ADCY8: variants seen among roughly 807,000 people sequenced by gnomAD.
ADCY8 encodes adenylate cyclase 8.
A neutral mutation model predicts 119.7 loss-of-function variants in ADCY8; 51 were observed. That is an observed-to-expected ratio of 0.43 (90% CI 0.34 to 0.54). The LOEUF is 0.54. Ranked by LOEUF, ADCY8 falls within the 20% of genes least tolerant of loss-of-function variation. The probability of loss-of-function intolerance (pLI) is 0.03; values close to 1 mark genes in which losing one functional copy is unlikely to be tolerated. For synonymous variants in ADCY8, 665 were observed against 651.0 expected, an observed-to-expected ratio of 1.02 and a Z score of -0.33; for missense variants, 1,383 against 1,598.8, an observed-to-expected ratio of 0.87 and a Z score of 2.30.
At chr8:130,822,807 A>G (rs1816559998) in intron 12 of ADCY8, among the ~76,000 whole-genome samples, 1 of 152,222 alleles carries the variant, frequency 6.6e-6, no homozygotes. Flanking sequence ...TGGAAAGGTC[A>G]TTTAACATCT....
chr8:130,894,999 A>T (rs78149854), intron 7 of ADCY8, among the ~76,000 whole-genome samples: 1 of 152,158 alleles, frequency 6.6e-6, no homozygotes, highest in African/African-American at 2.4e-5. Flanking sequence ...TAGCTCAATG[A>T]AGAGATTTTA....
chr8:130,887,651 A>G (rs908286388), intron 7 of ADCY8, among the ~76,000 whole-genome samples: 1 of 152,146 alleles, frequency 6.6e-6, no homozygotes, highest in Non-Finnish European at 1.5e-5. Context: ...TCATTAACTC[A>G]AGAAGGCAAG....
At chr8:130,800,331 C>CAA (rs3067432) in intron 15 of ADCY8, 95 bp downstream of exon 15, 382,014 of 1,321,992 alleles carry the variant, frequency 0.29, 15,602 homozygotes, top group African/African-American at 0.47. Context: ...CCGTTAAGTG[C>CAA]AAAAAAAAAA....
intron 3 of ADCY8, 53 bp downstream of exon 3, chr8:130,951,815 C>G: frequency 6.2e-7 from 1 of 1,602,704 alleles, no homozygotes; most frequent in South Asian, 1.1e-5. Flanking sequence ...ATGAGAGCAC[C>G]CAAACACACA....
intron 1 of ADCY8, among the ~76,000 whole-genome samples, chr8:131,004,060 T>C (rs1227519004): frequency 2.0e-5 from 3 of 152,092 alleles, no homozygotes; most frequent in Non-Finnish European, 4.4e-5. Context: ...GAAAAAAAGG[T>C]TTCCTTTTGG....
At position 131,040,261 on chromosome 8, in the gene ADCY8, C is replaced by G; in HGVS notation, c.73G>C (p.Gly25Arg). 6.4e-7 allele frequency: 1 copy of G among 1,555,870 alleles called. No homozygotes were observed. Among genetic ancestry groups the G allele is most frequent in the Non-Finnish European group, 8.6e-7 (1 of 1,157,448 alleles). ...GGCCGGGAGGCGCTCCTGCCGTCGCCGGCCGGGGGCGTCGGGTGGATGGTG... is the reference window on the plus strand; with the variant it reads ...GGCCGGGAGGCGCTCCTGCCGTCGCGGGCCGGGGGCGTCGGGTGGATGGTG... Reference protein sequence around the residue: ...LYTIHPTPPAGDGRSASRPQR... With the variant: ...LYTIHPTPPARDGRSASRPQR... Residue 25 changes from glycine (G) to arginine (R), a missense_variant, in exon 1 of 18, where the codon GGC becomes CGC. By Grantham distance (125) the Gly-to-Arg change is moderately radical. Transcript: ENST00000286355.
chr8:130,869,265 T>A (rs1818238451), intron 8 of ADCY8, among the ~76,000 whole-genome samples: 1 of 152,146 alleles, frequency 6.6e-6, no homozygotes, highest in Non-Finnish European at 1.5e-5. Flanking sequence ...AGAATCACTT[T>A]AAGCCATCCT....
At chr8:130,786,935 G>T (rs1180627352) in intron 15 of ADCY8, among the ~76,000 whole-genome samples, 1 of 152,034 alleles carries the variant, frequency 6.6e-6, no homozygotes, top group Non-Finnish European at 1.5e-5. Context: ...CATGGGAAGG[G>T]GAGCATCCAG....
At chr8:130,806,003 A>G (rs1181752710) in intron 14 of ADCY8, among the ~76,000 whole-genome samples, 1 of 152,190 alleles carries the variant, frequency 6.6e-6, no homozygotes, top group African/African-American at 2.4e-5. Flanking sequence ...GTAAAGCACC[A>G]TAAGAGAGGG....
chr8:130,924,396 G>T (rs1820400912), intron 5 of ADCY8, among the ~76,000 whole-genome samples: 1 of 152,212 alleles, frequency 6.6e-6, no homozygotes, highest in East Asian at 1.9e-4. Flanking sequence ...CACACAGGCT[G>T]TAAGGGGACT....
intron 11 of ADCY8, among the ~76,000 whole-genome samples, chr8:130,842,075 G>A (rs1817162623): frequency 6.6e-6 from 1 of 152,176 alleles, no homozygotes; most frequent in Non-Finnish European, 1.5e-5. Context: ...TATGTGGTTG[G>A]TGCTCTAGTA....
chr8:131,040,149 C>G lies in ADCY8; in HGVS notation c.185G>C (p.Ser62Thr), dbSNP rs1340822364. ...HGHRGGSGSGSGGSGKASDPA... is the reference protein window; with the variant it reads ...HGHRGGSGSGTGGSGKASDPA... ...GTCCGAGGCTTTGCCCGAGCCTCCA[C>G]TCCCGCTGCCGCTGCCTCCCCGGTG... Residue 62 changes from serine (S) to threonine (T), a missense_variant, in exon 1 of 18, where the codon AGT becomes ACT. Transcript: ENST00000286355. 1 of 1,532,830 alleles carries G rather than the reference C, an allele frequency of 6.5e-7. No homozygotes were observed. The highest frequency in any genetic ancestry group is 8.7e-7 in the Non-Finnish European group (1 of 1,145,432). The allele number at this position is 1,532,830 out of a possible 1,614,324, so 95.0% of individuals were successfully genotyped here.
At chr8:130,797,930 A>G (rs571666786) in intron 15 of ADCY8, among the ~76,000 whole-genome samples, 2 of 152,334 alleles carry the variant, frequency 1.3e-5, no homozygotes, top group South Asian at 4.1e-4. Flanking sequence ...ACAAATGATT[A>G]CAAATCAAAG....
intron 8 of ADCY8, among the ~76,000 whole-genome samples, chr8:130,871,044 A>C (rs1361467868): frequency 6.6e-6 from 1 of 152,234 alleles, no homozygotes; most frequent in African/African-American, 2.4e-5. Context: ...AGTTGACATC[A>C]TCAAATATAA....
intron 2 of ADCY8, among the ~76,000 whole-genome samples, chr8:130,966,738 A>C (rs1227135840): frequency 6.6e-6 from 1 of 152,040 alleles, no homozygotes; most frequent in African/African-American, 2.4e-5. Flanking sequence ...AACCTGCTGA[A>C]CCCCTCTGTA....
intron 8 of ADCY8, among the ~76,000 whole-genome samples, chr8:130,875,997 T>G (rs1818549043): frequency 6.6e-6 from 1 of 152,180 alleles, no homozygotes; most frequent in African/African-American, 2.4e-5. Flanking sequence ...TGGCAAAAGC[T>G]TAGTTGTGTG....
intron 1 of ADCY8, among the ~76,000 whole-genome samples, chr8:131,020,760 A>C (rs1563770999): frequency 6.6e-6 from 1 of 152,078 alleles, no homozygotes. Context: ...TCTGCTAAGC[A>C]CCCTCGGGGA....
chr8:130,857,889 T>A (rs1217148421), intron 9 of ADCY8, among the ~76,000 whole-genome samples: 2 of 152,332 alleles, frequency 1.3e-5, no homozygotes, highest in Middle Eastern at 3.4e-3. Context: ...TAATCAACCA[T>A]TTCCCTATCA....
At chr8:130,862,421 T>C (rs1161341797) in intron 9 of ADCY8, among the ~76,000 whole-genome samples, 1 of 152,146 alleles carries the variant, frequency 6.6e-6, no homozygotes, top group East Asian at 1.9e-4. Context: ...TTGTTTTGTT[T>C]TGTTTTGTTT....
Sources: allele counts gnomAD v4.1 joint callset (sites outside exome capture counted in the v4.1 genomes callset), GRCh38; gene constraint gnomAD v4.1.1; transcripts MANE v1.5; gene names NCBI Gene and HGNC (gene_info 2026-07-23, HGNC 2026-07-21).